Variants in TRAPPC11 observed in about 807,000 individuals in gnomAD.
TRAPPC11 encodes foie gras homolog.
TRAPPC11 carries 104 observed loss-of-function variants against 151.2 expected under a neutral mutation model. That is an observed-to-expected ratio of 0.69 (90% CI 0.59 to 0.81). TRAPPC11 has a LOEUF of 0.81. Among genes scored for constraint, TRAPPC11 ranks in the 30% least tolerant of loss-of-function variants. The pLI is 0.00. For missense variants in TRAPPC11, 1,230 were observed against 1,349.6 expected (o/e 0.91, Z 1.39); for synonymous variants, 456 against 472.3 (o/e 0.97, Z 0.45).
chr4:183,668,190 T>A (rs1734976806), intron 5 of TRAPPC11, 73 bp downstream of exon 5: 11 of 801,794 alleles, frequency 1.4e-5, no homozygotes, highest in Non-Finnish European at 2.0e-5. Flanking sequence ...TTAGACCCAT[T>A]TATTTTTTTA....
At chr4:183,679,592 A>T (rs1176717740) in intron 9 of TRAPPC11, 106 bp downstream of exon 9, 6 of 927,466 alleles carry the variant, frequency 6.5e-6, no homozygotes, top group Non-Finnish European at 7.8e-6. Context: ...TTTGTCACTA[A>T]GTAGGTTTTT....
intron 17 of TRAPPC11, 111 bp downstream of exon 17, chr4:183,685,514 A>C: frequency 2.3e-6 from 3 of 1,282,046 alleles, no homozygotes; most frequent in Non-Finnish European, 3.2e-6. Context: ...TCAAAGTATA[A>C]TCATGTTATA....
chr4:183,701,464 T>TA (rs2111087284), intron 25 of TRAPPC11: 1 of 436,332 alleles, frequency 2.3e-6, no homozygotes, highest in East Asian at 3.8e-5. Flanking sequence ...TTCTTGCAGA[T>TA]ATACAGATGC....
At chr4:183,709,853 C>T (rs374640472) in intron 29 of TRAPPC11, among the ~76,000 whole-genome samples, 13 of 152,118 alleles carry the variant, frequency 8.5e-5, no homozygotes, top group Admixed American at 1.3e-4. Flanking sequence ...TAAATATTTT[C>T]GCCAGATCCC....
At chr4:183,667,952 G>T in intron 4 of TRAPPC11, 51 bp from the exon 5 acceptor site, 1 of 1,145,096 alleles carries the variant, frequency 8.7e-7, no homozygotes, top group Non-Finnish European at 1.3e-6. Flanking sequence ...TATTTGGGAA[G>T]CTACATTAGT....
intron 28 of TRAPPC11, among the ~76,000 whole-genome samples, chr4:183,707,607 A>G (rs1381276643): frequency 6.6e-6 from 1 of 152,182 alleles, no homozygotes; most frequent in African/African-American, 2.4e-5. Flanking sequence ...ATAATTAGAG[A>G]ACATATGTGT....
chr4:183,663,264 C>A (rs1734651158), intron 1 of TRAPPC11, among the ~76,000 whole-genome samples: 1 of 151,934 alleles, frequency 6.6e-6, no homozygotes, highest in African/African-American at 2.4e-5. Flanking sequence ...GACAGAGTCT[C>A]CCTCTGTCAT....
chr4:183,706,008 A>G (rs981271387), intron 27 of TRAPPC11: 6 of 152,306 alleles, frequency 3.9e-5, no homozygotes, highest in African/African-American at 1.4e-4. Context: ...TGACACCCAA[A>G]TTCATGAAGC....
rs564679533 is a variant in TRAPPC11 at position 183,684,577 on chromosome 4, A to G, written c.1422-119A>G. On this transcript the variant is annotated intron_variant, in intron 14 of 29. Coordinates refer to ENST00000334690, the MANE Select transcript of TRAPPC11 (RefSeq NM_021942.6). ...AGCTAAATATGAGAATACCTGTTCAACCATCTCAGTAAGATTTTTCTATAC... is the reference window on the plus strand; with the variant it reads ...AGCTAAATATGAGAATACCTGTTCAGCCATCTCAGTAAGATTTTTCTATAC... 1.2e-5 allele frequency: 14 copies of G among 1,176,952 alleles called. No individual in the cohort carries two copies. In the African/African-American group the frequency reaches 1.5e-4, roughly 13 times the overall value. The allele number at this position is 1,176,952 out of a possible 1,614,324, so 72.9% of individuals were successfully genotyped here. A position where few individuals can be genotyped will look rare whatever the true frequency, so the allele number is the denominator to read the frequency against.
chr4:183,693,685 C>G lies in TRAPPC11; in HGVS notation c.2334C>G (p.Ser778=), dbSNP rs779675396. The G allele has an allele frequency of 6.2e-7, 1 of 1,614,020 alleles. No individual in the cohort carries two copies. Among genetic ancestry groups the G allele is most frequent in the Admixed American group, 1.7e-5 (1 of 60,004 alleles). ...ATTGTTTGGTTGTGACTGTTCAGTC[C>G]CATGAAAAGACCCAAATCAGAGATG... ...EMYCLVVTVQ[S]HEKTQIRDVK... The change falls in exon 21 of 30, where the codon TCC becomes TCG. Residue 778 remains serine, a synonymous_variant. Transcript: ENST00000334690.
At chr4:183,666,093 C>G in intron 2 of TRAPPC11, 164 bp from the exon 3 acceptor site, 1 of 555,798 alleles carries the variant, frequency 1.8e-6, no homozygotes, top group South Asian at 3.0e-5. Flanking sequence ...ATTCCACCTT[C>G]AACACTTACT....
At chr4:183,698,890 C>T (rs972212775) in intron 25 of TRAPPC11, among the ~76,000 whole-genome samples, 12 of 152,152 alleles carry the variant, frequency 7.9e-5, no homozygotes, top group Admixed American at 5.2e-4. Flanking sequence ...CTCCTTCACA[C>T]GCACATCTAT....
chr4:183,692,879 C>T (rs971775132), intron 19 of TRAPPC11, 81 bp from the exon 20 acceptor site: 14 of 1,318,002 alleles, frequency 1.1e-5, no homozygotes, highest in African/African-American at 3.0e-5. Flanking sequence ...TCTTAGCAGT[C>T]GACGATGTAA....
At chr4:183,693,497 C>T (rs945541589) in intron 20 of TRAPPC11, 92 bp from the exon 21 acceptor site, 23 of 1,377,150 alleles carry the variant, frequency 1.7e-5, no homozygotes, top group Admixed American at 2.3e-5. Context: ...TGAGCCTCTG[C>T]ACCCAGCCTC....
At chr4:183,672,032 A>T (rs1735181561) in intron 5 of TRAPPC11, among the ~76,000 whole-genome samples, 1 of 152,238 alleles carries the variant, frequency 6.6e-6, no homozygotes. Flanking sequence ...GCTCAAAACA[A>T]GTTGATCAGG....
intron 5 of TRAPPC11, among the ~76,000 whole-genome samples, chr4:183,673,699 T>TAATGA (rs889388589): frequency 1.8e-4 from 27 of 152,182 alleles, no homozygotes; most frequent in Admixed American, 1.5e-3. Flanking sequence ...TGAAATGAAA[T>TAATGA]AATGAAATGA....
chr4:183,660,938 C>G (rs548440453), intron 1 of TRAPPC11, among the ~76,000 whole-genome samples: 2 of 147,816 alleles, frequency 1.4e-5, no homozygotes, highest in Non-Finnish European at 3.0e-5. Flanking sequence ...GGTTTTGAAC[C>G]GTTGACCTCG....
At chr4:183,678,262 T>G (rs1312935433) in intron 8 of TRAPPC11, among the ~76,000 whole-genome samples, 1 of 152,194 alleles carries the variant, frequency 6.6e-6, no homozygotes, top group Non-Finnish European at 1.5e-5. Flanking sequence ...ACCTACTGTT[T>G]GAGCATTTTA....
chr4:183,705,074 G>A lies in TRAPPC11; in HGVS notation c.3055+4G>A. On this transcript the variant is annotated splice_donor_region_variant and intron_variant, in intron 27 of 29. Transcript: ENST00000334690. ...ATCCCTCTCCATGTGAATGCAGGTA[G>A]CGGAATTCAAATTTTACTTGATAAG... 6.4e-7 allele frequency: 1 copy of A among 1,572,686 alleles called. No homozygotes were observed. Among genetic ancestry groups the A allele is most frequent in the Non-Finnish European group, 8.7e-7 (1 of 1,149,420 alleles).
Sources: gnomAD v4.1 joint callset for allele counts (sites outside exome capture counted in the v4.1 genomes callset) on GRCh38, gnomAD v4.1.1 for gene constraint, MANE v1.5 for transcripts, NCBI Gene and HGNC (gene_info 2026-07-23, HGNC 2026-07-21) for gene names.